Variants in LRP1B observed in about 807,000 individuals in gnomAD.
LRP1B encodes LDL receptor related protein 1B.
A neutral mutation model predicts 556.6 loss-of-function variants in LRP1B; 217 were observed. The ratio of observed to expected loss-of-function variants is 0.39; its 90% CI spans 0.35 to 0.44. The LOEUF (loss-of-function observed/expected upper bound fraction) is 0.44, where lower values mean the gene tolerates loss of function less well. LRP1B is among the 20% of genes least tolerant of loss of function. The probability of loss-of-function intolerance (pLI) is 1.00; values close to 1 mark genes in which losing one functional copy is unlikely to be tolerated. For synonymous variants in LRP1B, 2,047 were observed against 1,865.8 expected, an observed-to-expected ratio of 1.10 and a Z score of -2.50; for missense variants, 5,053 against 5,620.8, an observed-to-expected ratio of 0.90 and a Z score of 3.23.
rs186542122 is a variant in LRP1B, at chr2:141,444,821, C to A, written c.343+35575G>T. Among the ~76,000 whole-genome samples, 769 of 152,222 alleles carry A rather than the reference C, an allele frequency of 5.1e-3. 8 individuals carry two copies. Among genetic ancestry groups the A allele is most frequent in the African/African-American group, 0.016 (672 of 41,526 alleles). On this transcript the variant is annotated intron_variant, in intron 3 of 90. Coordinates refer to ENST00000389484, the MANE Select transcript of LRP1B (RefSeq NM_018557.3). ...ATGCTTTTTGATGTGCTGCTGGATT[C>A]GGTTTGCCAGTATTTTATTGAGGAT...
chr2:141,006,520 G>C lies in LRP1B; in HGVS notation c.2381-1063C>G, dbSNP rs537588373. Among the ~76,000 whole-genome samples, 3 of 152,108 alleles carry C rather than the reference G, an allele frequency of 2.0e-5. No homozygotes were observed. In the South Asian group the frequency reaches 6.2e-4, roughly 31 times the overall value. ...TATTTACACTTGCGCATCACTTAAT[G>C]ATGGGCATACATACTAAGAAATGTG... On this transcript the variant is annotated intron_variant, in intron 14 of 90. Coordinates refer to ENST00000389484, the MANE Select transcript of LRP1B (RefSeq NM_018557.3).
At chr2:141,954,554 T>C (rs2105041237) in intron 1 of LRP1B, among the ~76,000 whole-genome samples, 1 of 152,274 alleles carries the variant, frequency 6.6e-6, no homozygotes, top group Non-Finnish European at 1.5e-5. Context: ...TCATCTCAAA[T>C]GTTTTCTGTG....
intron 3 of LRP1B, among the ~76,000 whole-genome samples, chr2:141,281,846 G>A (rs1024002229): frequency 4.6e-5 from 7 of 152,010 alleles, no homozygotes; most frequent in African/African-American, 1.7e-4. Flanking sequence ...TACTAGCTAT[G>A]TGAGCTACCC....
At chr2:140,544,527 C>T (rs549050781) in intron 43 of LRP1B, among the ~76,000 whole-genome samples, 3 of 152,108 alleles carry the variant, frequency 2.0e-5, no homozygotes, top group Middle Eastern at 3.4e-3. Flanking sequence ...TATATGTCCA[C>T]GTGTTCTCAT....
rs141924857 is a variant in LRP1B at position 140,643,409 on chromosome 2, A to G, written c.6800-41770T>C. Among the ~76,000 whole-genome samples, 456 of 152,318 alleles carry G rather than the reference A, an allele frequency of 3.0e-3. 2 individuals carry two copies. The highest frequency in any genetic ancestry group is 5.2e-3 in the Admixed American group (80 of 15,300). ...GAAGGTACTAGGAAAGACATCGAAA[A>G]AAATCTTGTTTTGAAAAATAGAATA... is the stretch of plus-strand genomic sequence containing the variant. On this transcript the variant is annotated intron_variant, in intron 41 of 90. Transcript: ENST00000389484.
intron 32 of LRP1B, among the ~76,000 whole-genome samples, chr2:140,777,274 G>T (rs1323827143): frequency 6.6e-6 from 1 of 152,146 alleles, no homozygotes. Flanking sequence ...TTAGCCCTTT[G>T]CCCCTAGCTC....
intron 2 of LRP1B, among the ~76,000 whole-genome samples, chr2:141,551,312 T>C (rs1338755082): frequency 6.6e-6 from 1 of 151,984 alleles, no homozygotes; most frequent in Non-Finnish European, 1.5e-5. Context: ...TTTACAATAG[T>C]CCAAGGTTAT....
intron 32 of LRP1B, among the ~76,000 whole-genome samples, chr2:140,808,592 G>A (rs1165964186): frequency 6.6e-6 from 1 of 151,916 alleles, no homozygotes; most frequent in South Asian, 2.1e-4. Flanking sequence ...CATACTATAC[G>A]TTTTACTCAT....
intron 2 of LRP1B, among the ~76,000 whole-genome samples, chr2:141,521,239 A>T (rs2105174122): frequency 6.6e-6 from 1 of 152,262 alleles, no homozygotes; most frequent in Middle Eastern, 3.4e-3. Context: ...TGCTACACAT[A>T]AAATTTTAAT....
intron 35 of LRP1B, among the ~76,000 whole-genome samples, chr2:140,718,224 G>A (rs1222028430): frequency 1.3e-5 from 2 of 151,796 alleles, no homozygotes; most frequent in African/African-American, 4.8e-5. Context: ...TCTTCTGCCT[G>A]ACAACTCCCC....
At chr2:141,139,466 G>A (rs1039980966) in intron 7 of LRP1B, among the ~76,000 whole-genome samples, 2 of 151,362 alleles carry the variant, frequency 1.3e-5, no homozygotes, top group Admixed American at 6.6e-5. Flanking sequence ...TAAAATATTG[G>A]TGTATACTAT....
intron 2 of LRP1B, among the ~76,000 whole-genome samples, chr2:141,527,816 A>C (rs1684740194): frequency 6.6e-6 from 1 of 152,182 alleles, no homozygotes; most frequent in South Asian, 2.1e-4. Flanking sequence ...AAAATATACT[A>C]CAGAGCTTTT....
intron 2 of LRP1B, among the ~76,000 whole-genome samples, chr2:141,675,650 C>T (rs922547747): frequency 1.4e-5 from 2 of 146,296 alleles, no homozygotes; most frequent in African/African-American, 2.5e-5. Flanking sequence ...TATTCAAATC[C>T]TAGCTTCTAA....
intron 2 of LRP1B, among the ~76,000 whole-genome samples, chr2:141,480,756 A>T (rs10184273): frequency 0.44 from 67,358 of 152,060 alleles, 15,224 homozygotes; most frequent in Non-Finnish European, 0.49. Flanking sequence ...CAAATAACGC[A>T]TTAAAAACAT....
intron 35 of LRP1B, among the ~76,000 whole-genome samples, chr2:140,740,085 T>G (rs564167298): frequency 6.6e-6 from 1 of 152,154 alleles, no homozygotes; most frequent in Non-Finnish European, 1.5e-5. Context: ...GAACATAAAC[T>G]GGTACGACCA....
intron 2 of LRP1B, among the ~76,000 whole-genome samples, chr2:141,538,021 G>A (rs547646234): frequency 9.2e-5 from 14 of 152,116 alleles, no homozygotes; most frequent in African/African-American, 3.4e-4. Context: ...TCTACTCTTA[G>A]TGTTTTATTT....
intron 1 of LRP1B, among the ~76,000 whole-genome samples, chr2:141,969,052 C>G (rs746403315): frequency 1.1e-4 from 16 of 151,288 alleles, no homozygotes; most frequent in Non-Finnish European, 2.1e-4. Flanking sequence ...TTATAGCCTA[C>G]AATCCCTATC....
intron 3 of LRP1B, among the ~76,000 whole-genome samples, chr2:141,397,705 G>GTT (rs534948113): frequency 5.3e-4 from 81 of 151,804 alleles, no homozygotes; most frequent in African/African-American, 1.9e-3. Context: ...ACGTGGTAGT[G>GTT]ATAAAAAGTA....
At chr2:141,115,142 T>C (rs761592422) in intron 7 of LRP1B, among the ~76,000 whole-genome samples, 2 of 88,018 alleles carry the variant, frequency 2.3e-5, no homozygotes, top group Non-Finnish European at 5.1e-5. Flanking sequence ...GGTCTTTATA[T>C]TCTTTTTCTG....
Sources: gnomAD v4.1 joint callset for allele counts (sites outside exome capture counted in the v4.1 genomes callset) on GRCh38, gnomAD v4.1.1 for gene constraint, MANE v1.5 for transcripts, NCBI Gene and HGNC (gene_info 2026-07-23, HGNC 2026-07-21) for gene names.